The following CENPL variants were observed in gnomAD, a reference collection of about 807,000 sequenced individuals.
The protein encoded by CENPL is interphase centromere complex protein 33.
A neutral mutation model predicts 35.2 loss-of-function variants in CENPL; 20 were observed. The observed-to-expected ratio is 0.57, with a 90% CI of 0.40 to 0.83. CENPL has a LOEUF of 0.83. CENPL is among the 40% of genes least tolerant of loss of function. CENPL has a pLI of 0.00. For missense variants in CENPL, 363 were observed against 395.8 expected (o/e 0.92, Z 0.70); for synonymous variants, 140 against 140.6 (o/e 1.00, Z 0.03).
At chr1:173,818,557 T>G (rs1016470517) in intron 2 of CENPL, among the ~76,000 whole-genome samples, 16 of 152,218 alleles carry the variant, frequency 1.1e-4, no homozygotes, top group African/African-American at 3.6e-4. Flanking sequence ...GAAATACCTA[T>G]GGCATACATT....
intron 2 of CENPL, among the ~76,000 whole-genome samples, chr1:173,814,701 T>G (rs1557847835): frequency 6.6e-6 from 1 of 152,194 alleles, no homozygotes; most frequent in Admixed American, 6.5e-5. Context: ...GAGGAAAATT[T>G]ATAGCACTAA....
At position 173,803,296 on chromosome 1, in the gene CENPL, A is replaced by T; in HGVS notation, c.630T>A (p.Pro210=). The part of the protein sequence containing the change: ...FQKTFDCYFS[P]LAINAFNLSW... ...AAAGATTAAATGCATTGATTGCTAA[A>T]GGACTGAAATAACAGTCAAAGGTTT... The change falls in exon 5 of 6, where the codon CCT becomes CCA. Residue 210 remains proline (P), a synonymous_variant. Transcript: ENST00000682279. The T allele has an allele frequency of 1.9e-6, 3 of 1,613,088 alleles. No individual in the cohort carries two copies.
chr1:173,820,073 A>T (rs1651802793), intron 2 of CENPL, among the ~76,000 whole-genome samples: 1 of 152,022 alleles, frequency 6.6e-6, no homozygotes, highest in Non-Finnish European at 1.5e-5. Context: ...TTGGGATCAA[A>T]AGTGTTTTTG....
chr1:173,809,754 C>T (rs962861033), intron 3 of CENPL, among the ~76,000 whole-genome samples: 2 of 151,924 alleles, frequency 1.3e-5, no homozygotes, highest in Admixed American at 1.3e-4. Flanking sequence ...CAAATCAAAA[C>T]CACAATGAGA....
At chr1:173,822,849 T>A (rs1371897173) in intron 2 of CENPL, 1 of 152,398 alleles carries the variant, frequency 6.6e-6, no homozygotes, top group African/African-American at 2.4e-5. Flanking sequence ...GTGATTCTCC[T>A]GCCTCAGCCT....
In CENPL at chr1:173,816,348, G is replaced by A. The variant is rs539257569; in HGVS notation, c.-7-5042C>T. Among the ~76,000 whole-genome samples, 146 of 152,142 alleles carry A rather than the reference G, an allele frequency of 9.6e-4. 1 individual carries two copies. The highest frequency in any genetic ancestry group is 3.3e-3 in the African/African-American group (135 of 41,522). ...GAAAAAACTACTTTAAAGTTCATAC[G>A]GAAACAAAAAAGAGCCCACATTGCC... On this transcript the variant is annotated intron_variant, in intron 2 of 5. Coordinates refer to ENST00000682279, the MANE Select transcript of CENPL (RefSeq NM_001387287.1).
intron 2 of CENPL, among the ~76,000 whole-genome samples, chr1:173,819,611 T>C (rs1281958988): frequency 1.3e-5 from 2 of 152,156 alleles, no homozygotes; most frequent in Non-Finnish European, 2.9e-5. Context: ...ACAAAAGTTA[T>C]TAGTCTCAAC....
intron 2 of CENPL, among the ~76,000 whole-genome samples, chr1:173,816,791 A>G (rs1013325227): frequency 2.0e-5 from 3 of 152,222 alleles, no homozygotes; most frequent in Admixed American, 6.5e-5. Context: ...CTTCATGACT[A>G]AAACACCAAA....
rs372494085 is a variant in CENPL, at chr1:173,800,428, C to T, written c.*20G>A. The T allele has an allele frequency of 3.4e-5, 35 of 1,033,370 alleles. No homozygotes were observed. Among genetic ancestry groups the T allele is most frequent in the Non-Finnish European group, 4.7e-5 (31 of 659,230 alleles). 64.0% of individuals were successfully genotyped at this position (1,033,370 alleles called of 1,614,324 possible). A position where few individuals can be genotyped will look rare whatever the true frequency, so the allele number is the denominator to read the frequency against. On this transcript the variant is annotated 3_prime_UTR_variant, in exon 6 of 6. Coordinates refer to ENST00000682279, the MANE Select transcript of CENPL (RefSeq NM_001387287.1). ...ATCAATAAGAGTATATAATCTATAA[C>T]TTATAGTCCACATAAGGCTTCACTC...
At chr1:173,814,935 T>C (rs1418092125) in intron 2 of CENPL, among the ~76,000 whole-genome samples, 1 of 152,020 alleles carries the variant, frequency 6.6e-6, no homozygotes, top group Non-Finnish European at 1.5e-5. Flanking sequence ...TGATAGACCG[T>C]TAGCAAGACT....
In CENPL at chr1:173,800,573, C is replaced by G. The variant is rs1211951617; in HGVS notation, c.964-54G>C. 2.1e-5 allele frequency: 15 copies of G among 709,110 alleles called. No individual in the cohort carries two copies. In the Admixed American group the frequency reaches 3.3e-4, roughly 16 times the overall value. The allele number at this position is 709,110 out of a possible 1,614,324, so 43.9% of individuals were successfully genotyped here. A position where few individuals can be genotyped will look rare whatever the true frequency, so the allele number is the denominator to read the frequency against. ...AAAATTAGAATAGTATTAATTATAA[C>G]AAAGCAGATTGATATTTGAATAATC... On this transcript the variant is annotated intron_variant, in intron 5 of 5. Coordinates refer to ENST00000682279, the MANE Select transcript of CENPL (RefSeq NM_001387287.1).
Position 173,807,432 on chromosome 1 carries a change from A to G in CENPL, c.255T>C (p.Tyr85=), listed in dbSNP as rs781342088. The change falls in exon 4 of 6, where the codon TAT becomes TAC. Residue 85 remains tyrosine (Y), a synonymous_variant. Transcript: ENST00000682279. The part of the protein sequence containing the change: ...YSLTPLYKFS[Y]SNLKEYSRLL... ...GTCTAGAATACTCTTTGAGATTACT[A>G]TAGGAGAATTTATATAAGGGAGTTA... 6.2e-7 allele frequency: 1 copy of G among 1,611,326 alleles called. No individual in the cohort carries two copies. The highest frequency in any genetic ancestry group is 1.3e-5 in the African/African-American group (1 of 74,970).
chr1:173,806,083 G>C (rs1650199842), intron 4 of CENPL, among the ~76,000 whole-genome samples: 1 of 152,086 alleles, frequency 6.6e-6, no homozygotes, highest in Non-Finnish European at 1.5e-5. Flanking sequence ...CAATATATAA[G>C]CAAATAAAAG....
intron 2 of CENPL, among the ~76,000 whole-genome samples, chr1:173,816,941 C>T (rs1369790516): frequency 2.6e-5 from 4 of 152,090 alleles, no homozygotes; most frequent in Non-Finnish European, 5.9e-5. Context: ...AGTTCGAGCC[C>T]AGCCTGGCCA....
intron 2 of CENPL, among the ~76,000 whole-genome samples, chr1:173,815,912 T>C (rs1651324690): frequency 6.6e-6 from 1 of 152,204 alleles, no homozygotes; most frequent in African/African-American, 2.4e-5. Context: ...TGTTTGCAGA[T>C]GACATGACTG....
At chr1:173,803,630 G>A in intron 4 of CENPL, 125 bp from the exon 5 acceptor site, 1 of 831,938 alleles carries the variant, frequency 1.2e-6, no homozygotes, top group South Asian at 2.0e-5. Flanking sequence ...AAAACATAGA[G>A]GGAATAGTCT....
chr1:173,814,015 G>A (rs1182909656), intron 2 of CENPL, among the ~76,000 whole-genome samples: 1 of 152,092 alleles, frequency 6.6e-6, no homozygotes, highest in East Asian at 1.9e-4. Context: ...AAAAAAAGCA[G>A]GGGTTGCAAT....
Position 173,802,951 on chromosome 1 carries a change from G to A in CENPL, c.963+12C>T. 6.4e-7 allele frequency: 1 copy of A among 1,566,416 alleles called. No homozygotes were observed. The highest frequency in any genetic ancestry group is 8.7e-7 in the Non-Finnish European group (1 of 1,151,178). On this transcript the variant is annotated intron_variant, in intron 5 of 5. Transcript: ENST00000682279. ...CAAGGAAAAATTACTTAACTAGATT[G>A]TTCAAACTAACCTTTATTTTTCCAT...
chr1:173,807,391 A>G lies in CENPL; in HGVS notation c.296T>C (p.Ile99Thr). The change falls in exon 4 of 6, where the codon ATT becomes ACT. Residue 99 changes from isoleucine (I) to threonine (T), a missense_variant. Ile to Thr is a moderately conservative substitution (Grantham distance 89, BLOSUM62 -1). Coordinates refer to ENST00000682279, the MANE Select transcript of CENPL (RefSeq NM_001387287.1). ...KEYSRLLNAFIVAEKQKGLAV... is the reference protein window; with the variant it reads ...KEYSRLLNAFTVAEKQKGLAV... ...AAGTCCTTTTTGCTTTTCAGCAACAATAAAAGCATTGAGAAGTCTAGAATA... is the reference window on the plus strand; with the variant it reads ...AAGTCCTTTTTGCTTTTCAGCAACAGTAAAAGCATTGAGAAGTCTAGAATA... 2 of 1,613,734 alleles carry G rather than the reference A, an allele frequency of 1.2e-6. No individual in the cohort carries two copies. Among genetic ancestry groups the G allele is most frequent in the Non-Finnish European group, 8.5e-7 (1 of 1,179,778 alleles).
Sources: allele counts gnomAD v4.1 joint callset (sites outside exome capture counted in the v4.1 genomes callset), GRCh38; gene constraint gnomAD v4.1.1; transcripts MANE v1.5; gene names NCBI Gene and HGNC (gene_info 2026-07-23, HGNC 2026-07-21).